ST6GALNAC2: variants seen among roughly 807,000 people sequenced by gnomAD.
ST6GALNAC2 encodes the protein alpha-N-acetylgalactosaminide alpha-2,6-sialyltransferase 2.
Under a neutral mutation model 38.7 loss-of-function variants are expected in ST6GALNAC2, and 42 were observed. That is an observed-to-expected ratio of 1.09 (90% CI 0.85 to 1.40). The LOEUF is 1.40. Among genes scored for constraint, ST6GALNAC2 ranks in the 40% most tolerant of loss-of-function variants. The probability of loss-of-function intolerance (pLI) is 0.00; values close to 1 mark genes in which losing one functional copy is unlikely to be tolerated. For synonymous variants in ST6GALNAC2, 233 were observed against 209.0 expected (o/e 1.11, Z -0.99); for missense variants, 506 against 481.7 (o/e 1.05, Z -0.47).
In ST6GALNAC2 at chr17:76,574,638, G is replaced by A. The variant is rs1270671888; in HGVS notation, c.187-99C>T. ...GGGGAGTTGCGAGTTGTGAGGGAAG[G>A]CCTGCCCTGTCCCCTCCAGATTGGG... is the stretch of plus-strand genomic sequence containing the variant. On this transcript the variant is annotated intron_variant, in intron 2 of 8. Transcript: ENST00000225276. The A allele has an allele frequency of 1.3e-5, 13 of 1,035,824 alleles. No individual in the cohort carries two copies. In the Admixed American group the frequency reaches 3.6e-4, roughly 29 times the overall value. The allele number at this position is 1,035,824 out of a possible 1,614,324, so 64.2% of individuals were successfully genotyped here. A position where few individuals can be genotyped will look rare whatever the true frequency, so the allele number is the denominator to read the frequency against.
chr17:76,567,805 T>C (rs971970416), intron 7 of ST6GALNAC2: 2 of 436,882 alleles, frequency 4.6e-6, no homozygotes, highest in African/African-American at 4.0e-5. Context: ...AGCTACTAAG[T>C]AACCACACTG....
intron 6 of ST6GALNAC2, chr17:76,569,720 CA>C (rs1482159360): frequency 3.0e-6 from 1 of 331,902 alleles, no homozygotes. Context: ...CAGCGTGTCA[CA>C]AAGCCCAGCT....
At chr17:76,570,849 T>C (rs1048294067) in intron 5 of ST6GALNAC2, 181 bp from the exon 6 acceptor site, 5 of 580,250 alleles carry the variant, frequency 8.6e-6, no homozygotes, top group Middle Eastern at 4.6e-4. Flanking sequence ...CCTCTAATGC[T>C]CCTTCAGGAG....
intron 6 of ST6GALNAC2, 42 bp from the exon 7 acceptor site, chr17:76,568,838 CGTATT>C (rs1567926877): frequency 1.2e-6 from 2 of 1,602,114 alleles, no homozygotes. Context: ...CCAGAGCCGT[CGTATT>C]GCAAGGGGGA....
chr17:76,570,323 T>A, intron 6 of ST6GALNAC2: 2 of 495,842 alleles, frequency 4.0e-6, no homozygotes, highest in East Asian at 3.6e-5. Context: ...CCCAGCCCAC[T>A]GCCCCCAGAG....
chr17:76,566,134 C>G lies in ST6GALNAC2; in HGVS notation c.1095G>C (p.Lys365Asn). Residue 365 changes from lysine to asparagine, a missense_variant, in exon 9 of 9, where the codon AAG becomes AAC. Physicochemically the swap from Lys to Asn is moderately conservative, Grantham distance 94. Coordinates refer to ENST00000225276, the MANE Select transcript of ST6GALNAC2 (RefSeq NM_006456.3). Reference protein sequence around the residue: ...LEAALWRDLHKAGILQLYQR With the variant: ...LEAALWRDLHNAGILQLYQR ...GCTGGTACAGCTGAAGGATGCCGGC[C>G]TTGTGCAGGTCCCTCCACAGGGCAG... 1 of 1,614,104 alleles carries G rather than the reference C, an allele frequency of 6.2e-7. No homozygotes were observed.
In ST6GALNAC2 at chr17:76,568,764, G is replaced by T; in HGVS notation, c.806C>A (p.Ala269Asp). The T allele has an allele frequency of 6.2e-7, 1 of 1,613,542 alleles. No homozygotes were observed. The highest frequency in any genetic ancestry group is 1.1e-5 in the South Asian group (1 of 91,064). The change falls in exon 7 of 9, where the codon GCC becomes GAC. Residue 269 changes from alanine to aspartate, a missense_variant. Ala to Asp is a moderately radical substitution (Grantham distance 126). Transcript: ENST00000225276. ...CGGATGTAGCAGCTTGAATTTACTG[G>T]CAGAGGCTTCTGGTCCAAAATAGGC... The part of the protein sequence containing the change: ...PHAYFGPEAS[A>D]SKFKLLHPDF...
intron 7 of ST6GALNAC2, chr17:76,568,407 C>T (rs1395540698): frequency 1.2e-5 from 5 of 413,132 alleles, no homozygotes; most frequent in East Asian, 8.8e-5. Flanking sequence ...CTGCTGCTGA[C>T]GGCGCCACTG....
At chr17:76,568,360 T>G in intron 7 of ST6GALNAC2, 2 of 282,862 alleles carry the variant, frequency 7.1e-6, no homozygotes, top group African/African-American at 2.2e-5. Flanking sequence ...TCCGGCACCT[T>G]GTGTTGGCTG....
chr17:76,566,522 C>G (rs544944216), intron 8 of ST6GALNAC2, among the ~76,000 whole-genome samples: 10 of 152,232 alleles, frequency 6.6e-5, no homozygotes, highest in African/African-American at 1.9e-4. Flanking sequence ...TTACTACTCT[C>G]TCCATCCTAA....
rs148154070 is a variant in ST6GALNAC2, at chr17:76,580,183, G to A, written c.126-1367C>T. Among the ~76,000 whole-genome samples the A allele has an allele frequency of 3.2e-3, 490 of 152,334 alleles. 3 individuals carry two copies. The highest frequency in any genetic ancestry group is 0.011 in the African/African-American group (462 of 41,578). The stretch of plus-strand genomic sequence containing the variant: ...TGCCTGTAATCCCAGTACTTTGGGA[G>A]ACCGAGGTGGGTGGATCACGAGGTC... On this transcript the variant is annotated intron_variant, in intron 1 of 8. Coordinates refer to ENST00000225276, the MANE Select transcript of ST6GALNAC2 (RefSeq NM_006456.3).
intron 8 of ST6GALNAC2, among the ~76,000 whole-genome samples, chr17:76,567,079 T>A (rs945448676): frequency 4.6e-5 from 7 of 152,158 alleles, no homozygotes; most frequent in Non-Finnish European, 8.8e-5. Flanking sequence ...TAAAAGAATG[T>A]CCCTATTTGG....
chr17:76,581,066 C>T (rs34696233), intron 1 of ST6GALNAC2: 15,308 of 152,180 alleles, frequency 0.1, 893 homozygotes, highest in Middle Eastern at 0.15. Flanking sequence ...GCAAGAGAAA[C>T]AAAGGTCTCT....
chr17:76,585,747 C>A lies in ST6GALNAC2; in HGVS notation c.62G>T (p.Gly21Val), dbSNP rs757748981. The change falls in exon 1 of 9, where the codon GGG (glycine) becomes GTG (valine). Residue 21 changes from glycine to valine, a missense_variant. Gly to Val is a moderately radical substitution (Grantham distance 109, BLOSUM62 -3). Transcript: ENST00000225276. ...CGAGAAGTACAGGGCAAAGAGGAGC[C>A]CCGAGCAGGCAGCCGTGAGCAGGAG... ...LLLLLTAACS[G>V]LLFALYFSAV... is the part of the protein sequence containing the mutation. The A allele has an allele frequency of 7.4e-5, 115 of 1,549,284 alleles. No homozygotes were observed. The highest frequency in any genetic ancestry group is 5.4e-4 in the Admixed American group (28 of 51,864).
rs755900195 is a variant in ST6GALNAC2 at position 76,573,504 on chromosome 17, AAGG to A, written c.362-144_362-142del. The stretch of plus-strand genomic sequence containing the variant: ...CAAGAAGCACAGAGGGTGGGAGGGG[AAGG>A]AGATGTCTGTGGGGGGAGAATTGAA... On this transcript the variant is annotated intron_variant, in intron 3 of 8. Transcript: ENST00000225276. This position sits in a 1 kb window ranked among gnomAD's most constrained non-coding sequence, Gnocchi z 5.1. 43 of 791,518 alleles carry A rather than the reference AAGG, an allele frequency of 5.4e-5. No individual in the cohort carries two copies. Among genetic ancestry groups the A allele is most frequent in the African/African-American group, 1.1e-4 (6 of 55,354 alleles). 49.0% of individuals were successfully genotyped at this position (791,518 alleles called of 1,614,324 possible). A position where few individuals can be genotyped will look rare whatever the true frequency, so the allele number is the denominator to read the frequency against.
In ST6GALNAC2 at chr17:76,566,130, C is replaced by T. The variant is rs764432426; in HGVS notation, c.1099G>A (p.Gly367Ser). ...CAGCGCTGGTACAGCTGAAGGATGC[C>T]GGCCTTGTGCAGGTCCCTCCACAGG... is the stretch of plus-strand genomic sequence containing the variant. Reference protein sequence around the residue: ...AALWRDLHKAGILQLYQR With the variant: ...AALWRDLHKASILQLYQR The change falls in exon 9 of 9, where the codon GGC becomes AGC. Residue 367 changes from glycine to serine, a missense_variant. Transcript: ENST00000225276. The T allele has an allele frequency of 9.4e-5, 152 of 1,613,940 alleles. No individual in the cohort carries two copies. The highest frequency in any genetic ancestry group is 1.2e-4 in the Non-Finnish European group (140 of 1,179,990).
At chr17:76,578,662 C>A in intron 2 of ST6GALNAC2, 94 bp downstream of exon 2, 3 of 1,226,596 alleles carry the variant, frequency 2.4e-6, no homozygotes, top group Non-Finnish European at 3.5e-6. Flanking sequence ...TCCTGCCCAG[C>A]AATCTCATGA....
intron 2 of ST6GALNAC2, among the ~76,000 whole-genome samples, chr17:76,575,646 C>G (rs1246159460): frequency 6.6e-6 from 1 of 152,126 alleles, no homozygotes; most frequent in Non-Finnish European, 1.5e-5. Context: ...ATCGAAGCCC[C>G]CCAGGCTGTG....
At chr17:76,570,372 G>T in intron 6 of ST6GALNAC2, 193 bp downstream of exon 6, 2 of 574,386 alleles carry the variant, frequency 3.5e-6, no homozygotes, top group South Asian at 2.0e-5. Flanking sequence ...GGCTTTCCAG[G>T]GGTAGACAAA....
Sources: allele counts gnomAD v4.1 joint callset (sites outside exome capture counted in the v4.1 genomes callset), GRCh38; gene constraint gnomAD v4.1.1; non-coding constraint Gnocchi (gnomAD v3.1); transcripts MANE v1.5; gene names NCBI Gene and HGNC (gene_info 2026-07-23, HGNC 2026-07-21).